Variants in XYLB observed in about 807,000 individuals in gnomAD.
XYLB encodes the protein xylulokinase, also known as xylulose kinase.
In XYLB, 62 loss-of-function variants were observed where a neutral mutation model predicts 78.7. That is an observed-to-expected ratio of 0.79 (90% CI 0.64 to 0.97). The LOEUF is 0.97. XYLB is among the 50% of genes least tolerant of loss of function. The probability of loss-of-function intolerance (pLI) is 0.00; values close to 1 mark genes in which losing one functional copy is unlikely to be tolerated. For synonymous variants in XYLB, 245 were observed against 247.4 expected (o/e 0.99, Z 0.09); for missense variants, 687 against 676.8 (o/e 1.02, Z -0.17).
At chr3:38,438,315 GACCTGTACATGGAAAATTAC>G in the XYLB span, among the ~76,000 whole-genome samples, 1 of 151,974 alleles carries the variant, frequency 6.6e-6, no homozygotes, top group Non-Finnish European at 1.5e-5. Flanking sequence ...GGAAGTGAAA[GACCTGTACATGGAAAATTAC>G]AAGAAACCAA....
chr3:38,440,881 TCTCA>T, the XYLB span, among the ~76,000 whole-genome samples: 1 of 152,116 alleles, frequency 6.6e-6, no homozygotes, highest in African/African-American at 2.4e-5. Context: ...TCTCTCTCTC[TCTCA>T]CTCCCTTTTT....
chr3:38,363,010 C>A lies in XYLB; in HGVS notation c.284C>A (p.Ala95Glu), dbSNP rs559792550. Reference sequence around the variant, plus strand: ...TCTCAAGTCCTAGCCTTGTCCGGGGCGGGCCAGGTTCGTTTGCAGCAGACT... The same window carrying A: ...TCTCAAGTCCTAGCCTTGTCCGGGGAGGGCCAGGTTCGTTTGCAGCAGACT... ...DFSQVLALSGAGQQHGSIYWK... is the reference protein window; with the variant it reads ...DFSQVLALSGEGQQHGSIYWK... The change falls in exon 4 of 19, where the codon GCG (alanine) becomes GAG (glutamate). Residue 95 changes from alanine to glutamate, a missense_variant. Physicochemically the swap from Ala to Glu is moderately radical, Grantham distance 107 (BLOSUM62 -1). Coordinates refer to ENST00000207870, the MANE Select transcript of XYLB (RefSeq NM_005108.4). 10 of 1,554,000 alleles carry A rather than the reference C, an allele frequency of 6.4e-6. No individual in the cohort carries two copies. Among genetic ancestry groups the A allele is most frequent in the Non-Finnish European group, 8.7e-6 (10 of 1,147,232 alleles).
chr3:38,447,435 C>T, the XYLB span, among the ~76,000 whole-genome samples: 7 of 151,670 alleles, frequency 4.6e-5, no homozygotes, highest in African/African-American at 1.7e-4. Flanking sequence ...TCCTGAAGAG[C>T]CGAGACCACA....
downstream of XYLB, among the ~76,000 whole-genome samples, chr3:38,417,734 G>A (rs1708842876): frequency 6.6e-6 from 1 of 151,990 alleles, no homozygotes; most frequent in East Asian, 1.9e-4. Context: ...ACAAAAATTA[G>A]CTGGGCATGG....
chr3:38,400,995 C>A lies in XYLB; in HGVS notation c.1533+10C>A. 1 of 1,613,372 alleles carries A rather than the reference C, an allele frequency of 6.2e-7. No individual in the cohort carries two copies. Among genetic ancestry groups the A allele is most frequent in the Non-Finnish European group, 8.5e-7 (1 of 1,179,366 alleles). On this transcript the variant is annotated intron_variant, in intron 18 of 18. Coordinates refer to ENST00000207870, the MANE Select transcript of XYLB (RefSeq NM_005108.4). ...CCCGGGAGCTTCTCAGGTGAGAGAC[C>A]ATCGGAATTTGTTTGTAGCATTTGC...
the XYLB span, among the ~76,000 whole-genome samples, chr3:38,444,647 C>T: frequency 6.6e-6 from 1 of 152,030 alleles, no homozygotes; most frequent in African/African-American, 2.4e-5. Flanking sequence ...GGCCATAGTG[C>T]AGAAAAAAAT....
chr3:38,417,617 C>G (rs926170980), downstream of XYLB, among the ~76,000 whole-genome samples: 2 of 152,128 alleles, frequency 1.3e-5, no homozygotes, highest in Admixed American at 6.5e-5. Context: ...CATAGTAGCT[C>G]ATGCCTGTAA....
chr3:38,395,538 C>T lies in XYLB; in HGVS notation c.1325C>T (p.Ala442Val). The T allele has an allele frequency of 6.2e-7, 1 of 1,614,200 alleles. No individual in the cohort carries two copies. Among genetic ancestry groups the T allele is most frequent in the Non-Finnish European group, 8.5e-7 (1 of 1,180,018 alleles). The change falls in exon 16 of 19, where the codon GCA (alanine) becomes GTA (valine). Residue 442 changes from alanine (A) to valine (V), a missense_variant. Ala to Val is a moderately conservative substitution (Grantham distance 64). Coordinates refer to ENST00000207870, the MANE Select transcript of XYLB (RefSeq NM_005108.4). The part of the protein sequence containing the change: ...SKTKILATGG[A>V]SHNREILQVL... ...ACAAAGATTTTGGCCACAGGAGGAG[C>T]ATCTCACAATAGAGAAATCTTACAG... is the stretch of plus-strand genomic sequence containing the variant.
chr3:38,371,400 A>C (rs1206640440), intron 9 of XYLB, among the ~76,000 whole-genome samples: 1 of 151,860 alleles, frequency 6.6e-6, no homozygotes, highest in East Asian at 1.9e-4. Context: ...CAGCCTCCCG[A>C]GTAGCTGGGA....
intron 4 of XYLB, among the ~76,000 whole-genome samples, chr3:38,363,856 G>C (rs1706105987): frequency 6.6e-6 from 1 of 152,076 alleles, no homozygotes; most frequent in South Asian, 2.1e-4. Context: ...GGCTGTGCTG[G>C]GATCACTTTT....
the XYLB span, among the ~76,000 whole-genome samples, chr3:38,428,197 A>C: frequency 6.6e-6 from 1 of 152,212 alleles, no homozygotes; most frequent in Admixed American, 6.5e-5. Context: ...GCTCTGCATA[A>C]ATTCAAGTTT....
At chr3:38,416,676 C>T (rs934564797), downstream of XYLB, among the ~76,000 whole-genome samples, 2 of 152,024 alleles carry the variant, frequency 1.3e-5, no homozygotes, top group African/African-American at 4.8e-5. Context: ...GCAAAGATTA[C>T]AGTATCCATA....
At position 38,398,712 on chromosome 3, in the gene XYLB, C is replaced by CT. The variant is rs56266064; in HGVS notation, c.1438+1567dup. ...TTCCTTCCTCTGTTTGTTACTTTGTCTTTTTTTTTTTTTTAACTTCCTGAC... is the reference window on the plus strand; with the variant it reads ...TTCCTTCCTCTGTTTGTTACTTTGTCTTTTTTTTTTTTTTTAACTTCCTGAC... On this transcript the variant is annotated intron_variant, in intron 17 of 18. Transcript: ENST00000207870. Among the ~76,000 whole-genome samples, 1,246 of 141,942 alleles carry CT rather than the reference C, an allele frequency of 8.8e-3. 14 individuals are homozygous for CT. The highest frequency in any genetic ancestry group is 0.029 in the Middle Eastern group (8 of 274). 93.1% of individuals were successfully genotyped at this position (141,942 alleles called of 152,430 possible).
chr3:38,357,856 G>T (rs1420077154), intron 2 of XYLB, among the ~76,000 whole-genome samples: 2 of 136,660 alleles, frequency 1.5e-5, no homozygotes, highest in African/African-American at 2.7e-5. Context: ...AAGATCTTTT[G>T]CCCTTTTTTA....
chr3:38,369,303 T>C (rs1432836231), intron 8 of XYLB, among the ~76,000 whole-genome samples: 1 of 152,216 alleles, frequency 6.6e-6, no homozygotes, highest in Non-Finnish European at 1.5e-5. Context: ...AACAGTCAAC[T>C]TGGAGTAGCC....
At chr3:38,371,552 G>A (rs1028184653) in intron 9 of XYLB, among the ~76,000 whole-genome samples, 5 of 152,126 alleles carry the variant, frequency 3.3e-5, no homozygotes, top group Non-Finnish European at 7.3e-5. Flanking sequence ...GGGATTACAG[G>A]CGTGAGCCAC....
intron 18 of XYLB, 34 bp from the exon 19 acceptor site, chr3:38,412,902 C>T (rs773715852): frequency 6.3e-7 from 1 of 1,574,900 alleles, no homozygotes; most frequent in South Asian, 1.2e-5. Context: ...GCATTTTCCC[C>T]CTCTGTTCTA....
intron 14 of XYLB, among the ~76,000 whole-genome samples, chr3:38,377,400 G>A (rs1706916520): frequency 6.6e-6 from 1 of 151,618 alleles, no homozygotes; most frequent in East Asian, 1.9e-4. Context: ...TTGGTGCCAG[G>A]CATTGTGCTC....
At chr3:38,387,935 T>C (rs545445643) in intron 15 of XYLB, among the ~76,000 whole-genome samples, 1 of 152,258 alleles carries the variant, frequency 6.6e-6, no homozygotes, top group South Asian at 2.1e-4. Context: ...GAGTCTGCTT[T>C]TATTTACTAT....
Sources: allele counts gnomAD v4.1 joint callset (sites outside exome capture counted in the v4.1 genomes callset), GRCh38; gene constraint gnomAD v4.1.1; transcripts MANE v1.5; gene names NCBI Gene and HGNC (gene_info 2026-07-23, HGNC 2026-07-21).